The following PACRG variants were observed in gnomAD, a reference collection of about 807,000 sequenced individuals.
PACRG encodes parkin coregulated gene protein.
In PACRG, 29 loss-of-function variants were observed where a neutral mutation model predicts 29.7. The observed-to-expected ratio is 0.98, with a 90% CI of 0.73 to 1.33. PACRG has a LOEUF of 1.33. PACRG is among the 40% of genes most tolerant of loss of function. The pLI, the probability that PACRG is intolerant of heterozygous loss-of-function variation, is 0.00. For synonymous variants in PACRG, 116 were observed against 118.7 expected (o/e 0.98, Z 0.15); for missense variants, 279 against 316.2 (o/e 0.88, Z 0.89).
chr6:162,841,431 C>T (rs950529971), intron 2 of PACRG, among the ~76,000 whole-genome samples: 15 of 152,098 alleles, frequency 9.9e-5, no homozygotes, highest in South Asian at 6.2e-4. Context: ...TCTGTGGGAT[C>T]GGTGGTGATA....
chr6:163,140,168 C>G (rs924238431), intron 4 of PACRG, among the ~76,000 whole-genome samples: 5 of 152,172 alleles, frequency 3.3e-5, no homozygotes, highest in African/African-American at 1.2e-4. Flanking sequence ...GTACGAAGCA[C>G]GCAGCAATGA....
intron 1 of PACRG, among the ~76,000 whole-genome samples, chr6:162,804,811 T>C (rs1270202728): frequency 6.6e-6 from 1 of 152,210 alleles, no homozygotes; most frequent in Non-Finnish European, 1.5e-5. Flanking sequence ...CTTACCAATA[T>C]ATTGAATATT....
intron 2 of PACRG, among the ~76,000 whole-genome samples, chr6:162,986,783 GT>G (rs1479559821): frequency 6.6e-6 from 1 of 152,040 alleles, no homozygotes; most frequent in Non-Finnish European, 1.5e-5. Context: ...CTCTGAAGTT[GT>G]TTTTTCTGCT....
intron 4 of PACRG, among the ~76,000 whole-genome samples, chr6:163,132,448 A>G (rs1031429455): frequency 6.6e-5 from 10 of 152,184 alleles, no homozygotes; most frequent in Admixed American, 2.0e-4. Context: ...TTGATTCCCA[A>G]CTTCTACTTG....
intron 4 of PACRG, among the ~76,000 whole-genome samples, chr6:163,297,703 A>G (rs1437007888): frequency 6.6e-6 from 1 of 152,196 alleles, no homozygotes; most frequent in African/African-American, 2.4e-5. Context: ...CAATGACTTT[A>G]TGTGTAGCCT....
intron 4 of PACRG, among the ~76,000 whole-genome samples, chr6:163,202,618 C>T (rs1238586832): frequency 6.6e-6 from 1 of 152,090 alleles, no homozygotes; most frequent in African/African-American, 2.4e-5. Context: ...GTAGTTGTAA[C>T]GATGGTTTTC....
intron 4 of PACRG, among the ~76,000 whole-genome samples, chr6:163,223,330 G>A (rs117020137): frequency 0.03 from 4,641 of 152,260 alleles, 82 homozygotes; most frequent in African/African-American, 0.049. Context: ...GGAGGCAGAG[G>A]TTGCAGTAAG....
intron 2 of PACRG, among the ~76,000 whole-genome samples, chr6:162,880,813 CTT>C (rs1420419732): frequency 1.3e-5 from 2 of 152,236 alleles, no homozygotes; most frequent in Non-Finnish European, 2.9e-5. Flanking sequence ...CTACACATCG[CTT>C]TCATCTGACT....
chr6:162,968,875 C>T (rs930347447), intron 2 of PACRG, among the ~76,000 whole-genome samples: 5 of 151,704 alleles, frequency 3.3e-5, no homozygotes, highest in Admixed American at 1.3e-4. Context: ...GGCGAAACCC[C>T]GTCTGTACTA....
intron 2 of PACRG, among the ~76,000 whole-genome samples, chr6:162,968,868 G>T (rs1045931316): frequency 6.6e-6 from 1 of 151,804 alleles, no homozygotes; most frequent in Non-Finnish European, 1.5e-5. Flanking sequence ...CCAACATGGC[G>T]AAACCCCGTC....
chr6:163,204,179 A>T (rs1402859056), intron 4 of PACRG, among the ~76,000 whole-genome samples: 2 of 152,250 alleles, frequency 1.3e-5, no homozygotes, highest in African/African-American at 2.4e-5. Flanking sequence ...AACACAGGTA[A>T]TAGTGTTTGC....
chr6:163,144,346 A>C (rs1272787588), intron 4 of PACRG, among the ~76,000 whole-genome samples: 2 of 77,094 alleles, frequency 2.6e-5, no homozygotes, highest in East Asian at 1.3e-3. Flanking sequence ...ACACACATAC[A>C]TACACACACA....
At chr6:162,939,668 G>A (rs1178551507) in intron 2 of PACRG, among the ~76,000 whole-genome samples, 1 of 111,782 alleles carries the variant, frequency 8.9e-6, no homozygotes, top group African/African-American at 3.8e-5. Flanking sequence ...TACATCTCCT[G>A]TATTTGACGT....
chr6:162,741,209 T>C (rs1436944174), intron 1 of PACRG, among the ~76,000 whole-genome samples: 1 of 152,216 alleles, frequency 6.6e-6, no homozygotes, highest in Non-Finnish European at 1.5e-5. Flanking sequence ...CATTCCAAGA[T>C]GAGGTACTAT....
intron 1 of PACRG, among the ~76,000 whole-genome samples, chr6:162,787,584 A>ATATC (rs1562596411): frequency 1.7e-4 from 3 of 17,490 alleles, no homozygotes; most frequent in East Asian, 1.8e-3. Flanking sequence ...GTGTGTGTGT[A>ATATC]TATATATATA....
chr6:163,168,029 T>G (rs1424237443), intron 4 of PACRG, among the ~76,000 whole-genome samples: 1 of 152,228 alleles, frequency 6.6e-6, no homozygotes, highest in Non-Finnish European at 1.5e-5. Context: ...TGATTGTATG[T>G]ATTTTCATAT....
Position 163,237,849 on chromosome 6 carries a change from A to G in PACRG, c.614-76978A>G, listed in dbSNP as rs575713777. Among the ~76,000 whole-genome samples, 5 of 152,340 alleles carry G rather than the reference A, an allele frequency of 3.3e-5. No individual in the cohort carries two copies. In the South Asian group the frequency reaches 1.0e-3, roughly 32 times the overall value. On this transcript the variant is annotated intron_variant, in intron 4 of 4. Transcript: ENST00000366888. ...GCTCAGTATTCTAAGCCAAGTCATC[A>G]GGAAAAGATTATAGTTACCAGTTCC...
intron 4 of PACRG, among the ~76,000 whole-genome samples, chr6:163,216,283 G>T (rs1005861758): frequency 6.6e-6 from 1 of 152,156 alleles, no homozygotes; most frequent in Non-Finnish European, 1.5e-5. Context: ...TCTGTCCCCA[G>T]TGGAGCCAGC....
intron 2 of PACRG, among the ~76,000 whole-genome samples, chr6:162,950,582 C>T (rs758683212): frequency 6.6e-6 from 1 of 152,054 alleles, no homozygotes; most frequent in East Asian, 1.9e-4. Context: ...AATTTCATGC[C>T]TTCTCATCTC....
Sources: allele counts gnomAD v4.1 joint callset (sites outside exome capture counted in the v4.1 genomes callset), GRCh38; gene constraint gnomAD v4.1.1; transcripts MANE v1.5; gene names NCBI Gene and HGNC (gene_info 2026-07-23, HGNC 2026-07-21).